Variants in FSTL5 observed in about 807,000 individuals in gnomAD.
FSTL5 encodes the protein follistatin-related protein 5.
In FSTL5, 62 loss-of-function variants were observed where a neutral mutation model predicts 89.1. The ratio of observed to expected loss-of-function variants is 0.70; its 90% CI spans 0.57 to 0.86. The LOEUF (loss-of-function observed/expected upper bound fraction) is 0.86. FSTL5 is among the 40% of genes least tolerant of loss of function. FSTL5 has a pLI of 0.00. For synonymous variants in FSTL5, 383 were observed against 346.2 expected (o/e 1.11, Z -1.18); for missense variants, 1,057 against 1,001.6 (o/e 1.06, Z -0.75).
chr4:161,787,944 T>C (rs779166347), intron 4 of FSTL5, among the ~76,000 whole-genome samples: 13 of 152,188 alleles, frequency 8.5e-5, no homozygotes, highest in Non-Finnish European at 2.9e-5. Flanking sequence ...ATACAACTTA[T>C]GAATATATTT....
At chr4:161,811,291 G>A (rs912059819) in intron 4 of FSTL5, among the ~76,000 whole-genome samples, 1 of 152,140 alleles carries the variant, frequency 6.6e-6, no homozygotes, top group Non-Finnish European at 1.5e-5. Context: ...AAGCAAGAGA[G>A]AGTTAAAAAT....
chr4:161,856,932 GA>G (rs1406499158), intron 4 of FSTL5, among the ~76,000 whole-genome samples: 20 of 152,060 alleles, frequency 1.3e-4, no homozygotes, highest in Admixed American at 1.2e-3. Flanking sequence ...CTGAAGGGAA[GA>G]AAAAACAGGC....
intron 6 of FSTL5, among the ~76,000 whole-genome samples, chr4:161,657,047 TG>T (rs563910025): frequency 1.4e-3 from 220 of 152,340 alleles, no homozygotes; most frequent in African/African-American, 5.1e-3. Context: ...CAGATCGCAC[TG>T]GTATTGAATA....
At chr4:162,063,885 T>C (rs1302809077) in intron 2 of FSTL5, among the ~76,000 whole-genome samples, 2 of 151,976 alleles carry the variant, frequency 1.3e-5, no homozygotes, top group Non-Finnish European at 2.9e-5. Context: ...CTTGAAAGTG[T>C]TTCATTCTCT....
intron 2 of FSTL5, among the ~76,000 whole-genome samples, chr4:162,053,605 A>C (rs549023797): frequency 6.6e-6 from 1 of 151,850 alleles, no homozygotes; most frequent in Non-Finnish European, 1.5e-5. Context: ...TAAATTGATA[A>C]GATGAAAAAT....
intron 3 of FSTL5, among the ~76,000 whole-genome samples, chr4:161,970,211 A>G (rs1197227901): frequency 6.6e-6 from 1 of 152,146 alleles, no homozygotes; most frequent in Admixed American, 6.6e-5. Context: ...CTGAGGTAAG[A>G]TCATTTAAGT....
intron 1 of FSTL5, among the ~76,000 whole-genome samples, chr4:162,150,855 CA>C (rs1386207521): frequency 6.6e-6 from 1 of 152,070 alleles, no homozygotes; most frequent in Non-Finnish European, 1.5e-5. Flanking sequence ...ATATACGTTT[CA>C]AAAGTTTGTA....
intron 15 of FSTL5, among the ~76,000 whole-genome samples, chr4:161,435,225 A>T (rs1016215518): frequency 3.9e-5 from 6 of 152,048 alleles, no homozygotes; most frequent in African/African-American, 1.5e-4. Flanking sequence ...ATACACAATG[A>T]AGTACTAATC....
chr4:161,871,879 G>T (rs1444083736), intron 4 of FSTL5, among the ~76,000 whole-genome samples: 1 of 152,078 alleles, frequency 6.6e-6, no homozygotes, highest in African/African-American at 2.4e-5. Flanking sequence ...CAAGGTATTT[G>T]CATGAAATCT....
Position 162,142,477 on chromosome 4 carries a change from A to G in FSTL5, c.-17+21138T>C, listed in dbSNP as rs148768689. ...GACAGTGGATAGAGACAGCTCATCA[A>G]TGAATTTTGGCATAAAATAAAGAAG... is the stretch of plus-strand genomic sequence containing the variant. On this transcript the variant is annotated intron_variant, in intron 1 of 15. Coordinates refer to ENST00000306100, the MANE Select transcript of FSTL5 (RefSeq NM_020116.5). 2.8e-3 allele frequency among the ~76,000 whole-genome samples: 431 copies of G among 152,312 alleles called. 3 individuals carry two copies. Among genetic ancestry groups the G allele is most frequent in the African/African-American group, 9.8e-3 (408 of 41,572 alleles).
chr4:161,868,759 A>G (rs1732169670), intron 4 of FSTL5, among the ~76,000 whole-genome samples: 1 of 152,334 alleles, frequency 6.6e-6, no homozygotes, highest in African/African-American at 2.4e-5. Flanking sequence ...TAAAAGTTAG[A>G]CCAGATATTT....
At chr4:161,892,929 T>G (rs1169638146) in intron 4 of FSTL5, among the ~76,000 whole-genome samples, 1 of 152,130 alleles carries the variant, frequency 6.6e-6, no homozygotes, top group Admixed American at 6.5e-5. Flanking sequence ...ATGTTGTATT[T>G]TCTTAGTTTG....
intron 8 of FSTL5, among the ~76,000 whole-genome samples, chr4:161,565,987 G>A (rs1365328398): frequency 6.7e-6 from 1 of 150,332 alleles, no homozygotes; most frequent in Admixed American, 6.7e-5. Context: ...TTGAGAAATC[G>A]CCACAGTTTT....
chr4:161,953,325 T>TA (rs1218749292), intron 3 of FSTL5, among the ~76,000 whole-genome samples: 1 of 151,522 alleles, frequency 6.6e-6, no homozygotes, highest in Non-Finnish European at 1.5e-5. Context: ...TAGATAACTA[T>TA]AAAATATTAT....
chr4:161,745,755 C>T (rs1740179270), intron 6 of FSTL5, among the ~76,000 whole-genome samples: 1 of 151,752 alleles, frequency 6.6e-6, no homozygotes, highest in African/African-American at 2.4e-5. Flanking sequence ...AATGTGTAAT[C>T]ATAAAAACAT....
At chr4:161,590,302 G>T (rs993499189) in intron 7 of FSTL5, among the ~76,000 whole-genome samples, 1 of 152,118 alleles carries the variant, frequency 6.6e-6, no homozygotes, top group Admixed American at 6.5e-5. Flanking sequence ...CACTTTGGGG[G>T]CCAAGGCGGG....
chr4:161,819,624 A>C (rs1427537228), intron 4 of FSTL5, among the ~76,000 whole-genome samples: 6 of 152,040 alleles, frequency 3.9e-5, no homozygotes, highest in African/African-American at 1.4e-4. Context: ...CTATTGCATC[A>C]TATGGTTCTT....
intron 1 of FSTL5, among the ~76,000 whole-genome samples, chr4:162,111,661 T>G (rs1412719350): frequency 6.6e-6 from 1 of 151,824 alleles, no homozygotes; most frequent in South Asian, 2.1e-4. Flanking sequence ...CTGATAAAAA[T>G]GTGGTAAGAA....
chr4:162,026,678 T>C (rs1461245330), intron 3 of FSTL5, among the ~76,000 whole-genome samples: 1 of 152,158 alleles, frequency 6.6e-6, no homozygotes, highest in African/African-American at 2.4e-5. Context: ...GTTTTGGTGA[T>C]TGAAAGAACA....
Sources: gnomAD v4.1 joint callset for allele counts (sites outside exome capture counted in the v4.1 genomes callset) on GRCh38, gnomAD v4.1.1 for gene constraint, MANE v1.5 for transcripts, NCBI Gene and HGNC (gene_info 2026-07-23, HGNC 2026-07-21) for gene names.